The following CLEC19A variants were observed in gnomAD, a reference collection of about 807,000 sequenced individuals.
CLEC19A encodes the protein C-type lectin domain family 19 member A.
CLEC19A carries 21 observed loss-of-function variants against 26.1 expected under a neutral mutation model. That is an observed-to-expected ratio of 0.80 (90% CI 0.57 to 1.16). The LOEUF is 1.16. Among genes scored for constraint, CLEC19A ranks in the 50% most tolerant of loss-of-function variants. The probability of loss-of-function intolerance (pLI) is 0.00; values close to 1 mark genes in which losing one functional copy is unlikely to be tolerated. For synonymous variants in CLEC19A, 89 were observed against 88.6 expected (o/e 1.00, Z -0.03); for missense variants, 224 against 227.6 (o/e 0.98, Z 0.10).
At position 19,299,723 on chromosome 16, in the gene CLEC19A, T is replaced by C. The variant is rs577577459; in HGVS notation, c.254+885T>C. On this transcript the variant is annotated intron_variant, in intron 2 of 4. Coordinates refer to ENST00000636231, the MANE Select transcript of CLEC19A (RefSeq NM_001256720.2). ...AATTACACTCATTACCCAGCTCTCC[T>C]GGCACACTCCCTTTATCACAGCTTT... Among the ~76,000 whole-genome samples the C allele has an allele frequency of 3.9e-5, 6 of 152,362 alleles. No homozygotes were observed. In the South Asian group the frequency reaches 1.2e-3, roughly 32 times the overall value.
At position 19,309,056 on chromosome 16, in the gene CLEC19A, C is replaced by CA. The variant is rs1047992761; in HGVS notation, c.538dup (p.Ile180AsnfsTer37). On this transcript the variant is annotated frameshift_variant, in exon 5 of 5. Transcript: ENST00000636231. LOFTEE classifies it high-confidence loss of function. ...GCAGCCGGAAGTTCCCCTTTGTCTG[C>CA]AAAATCCCATCTCTGACCATTCATT... 6.5e-7 allele frequency: 1 copy of CA among 1,548,150 alleles called. No individual in the cohort carries two copies. Among genetic ancestry groups the CA allele is most frequent in the African/African-American group, 1.4e-5 (1 of 72,952 alleles).
chr16:19,298,887 G>T, intron 2 of CLEC19A, 49 bp downstream of exon 2: 1 of 1,482,534 alleles, frequency 6.7e-7, no homozygotes, highest in Non-Finnish European at 9.1e-7. Flanking sequence ...ACCCCCTTGG[G>T]AAATGGGGTG....
intron 2 of CLEC19A, among the ~76,000 whole-genome samples, chr16:19,301,740 T>TTTTTTTTTTG: frequency 1.1e-5 from 1 of 94,832 alleles, no homozygotes; most frequent in African/African-American, 6.4e-5. Context: ...TTTTTGGTTT[T>TTTTTTTTTTG]TTTTTTTTTT....
chr16:19,307,785 C>T (rs1280847915), intron 4 of CLEC19A, 108 bp downstream of exon 4: 2 of 1,435,844 alleles, frequency 1.4e-6, no homozygotes, highest in East Asian at 2.5e-5. Context: ...TGGCCTGAGA[C>T]TGGCAAATTG....
At chr16:19,296,492 A>G (rs1897707807) in intron 1 of CLEC19A, among the ~76,000 whole-genome samples, 1 of 152,208 alleles carries the variant, frequency 6.6e-6, no homozygotes, top group Non-Finnish European at 1.5e-5. Flanking sequence ...TATTTGGCCC[A>G]ATCAGTTGAC....
At chr16:19,306,804 G>T (rs377534194) in intron 3 of CLEC19A, among the ~76,000 whole-genome samples, 1 of 152,268 alleles carries the variant, frequency 6.6e-6, no homozygotes, top group East Asian at 1.9e-4. Flanking sequence ...TGCAGAGCTA[G>T]GCAGTGGGTG....
chr16:19,305,399 G>A (rs947336396), intron 3 of CLEC19A, among the ~76,000 whole-genome samples: 1 of 152,210 alleles, frequency 6.6e-6, no homozygotes, highest in African/African-American at 2.4e-5. Flanking sequence ...AGGGGTGGGT[G>A]TATAATAAGG....
chr16:19,286,269 G>C (rs1214279709), intron 1 of CLEC19A, among the ~76,000 whole-genome samples: 1 of 152,260 alleles, frequency 6.6e-6, no homozygotes, highest in Non-Finnish European at 1.5e-5. Flanking sequence ...ATAACATGAG[G>C]AAAGTGCTTT....
intron 3 of CLEC19A, among the ~76,000 whole-genome samples, chr16:19,305,418 G>T (rs1042052703): frequency 3.3e-5 from 5 of 152,102 alleles, no homozygotes; most frequent in African/African-American, 9.7e-5. Flanking sequence ...GGCTGAAGAG[G>T]ATAGCTTGGA....
intron 1 of CLEC19A, among the ~76,000 whole-genome samples, chr16:19,294,865 T>C (rs1400390363): frequency 6.6e-6 from 1 of 152,194 alleles, no homozygotes; most frequent in Admixed American, 6.5e-5. Context: ...TGTTTTGTGT[T>C]GCTGTGCTGT....
chr16:19,297,497 A>G (rs1897730629), intron 1 of CLEC19A, among the ~76,000 whole-genome samples: 1 of 152,212 alleles, frequency 6.6e-6, no homozygotes, highest in Non-Finnish European at 1.5e-5. Flanking sequence ...GAAAATCAGC[A>G]GAAATGCCAA....
chr16:19,301,733 TTGG>T lies in CLEC19A; in HGVS notation c.255-2327_255-2325del, dbSNP rs1213232803. 6.2e-3 allele frequency among the ~76,000 whole-genome samples: 377 copies of T among 61,102 alleles called. 34 individuals carry two copies. The highest frequency in any genetic ancestry group is 0.029 in the African/African-American group (285 of 9,724). 40.1% of individuals were successfully genotyped at this position (61,102 alleles called of 152,430 possible). ...CGCATGACACCATGCCCAGGTTTTT[TTGG>T]TTTTTTTTTTTTTTTTTTTTTTTTT... On this transcript the variant is annotated intron_variant, in intron 2 of 4. Coordinates refer to ENST00000636231, the MANE Select transcript of CLEC19A (RefSeq NM_001256720.2).
chr16:19,303,123 G>T lies in CLEC19A; in HGVS notation c.255-939G>T, dbSNP rs192303775. The stretch of plus-strand genomic sequence containing the variant: ...GTAGTATCTGCCCCAGTGCCTGGTT[G>T]TTGTGAGAACGAAATGAGTTCATGC... On this transcript the variant is annotated intron_variant, in intron 2 of 4. Coordinates refer to ENST00000636231, the MANE Select transcript of CLEC19A (RefSeq NM_001256720.2). Among the ~76,000 whole-genome samples, 483 of 152,336 alleles carry T rather than the reference G, an allele frequency of 3.2e-3. 2 individuals are homozygous for T. The highest frequency in any genetic ancestry group is 5.5e-3 in the Non-Finnish European group (372 of 68,038).
intron 4 of CLEC19A, 76 bp downstream of exon 4, chr16:19,307,753 T>C: frequency 6.6e-7 from 1 of 1,523,756 alleles, no homozygotes; most frequent in South Asian, 1.2e-5. Context: ...GAGAAGGGCC[T>C]TGGGGGAAGA....
intron 2 of CLEC19A, 56 bp from the exon 3 acceptor site, chr16:19,304,006 C>T (rs1295982211): frequency 7.1e-7 from 1 of 1,403,906 alleles, no homozygotes; most frequent in Non-Finnish European, 9.8e-7. Context: ...ATTTTTGACT[C>T]CATCCTATGA....
chr16:19,301,735 G>GTTTTTTTTTTTTTTTTTTTTT lies in CLEC19A; in HGVS notation c.255-2327_255-2326insTTTTTTTTTTTTTTTTTTTTT, dbSNP rs750529291. 4.6e-4 allele frequency among the ~76,000 whole-genome samples: 16 copies of GTTTTTTTTTTTTTTTTTTTTT among 35,124 alleles called. 1 individual carries two copies. Among genetic ancestry groups the GTTTTTTTTTTTTTTTTTTTTT allele is most frequent in the African/African-American group, 1.5e-3 (11 of 7,284 alleles). 23.0% of individuals were successfully genotyped at this position (35,124 alleles called of 152,430 possible). On this transcript the variant is annotated intron_variant, in intron 2 of 4. Transcript: ENST00000636231. ...CATGACACCATGCCCAGGTTTTTTTGGTTTTTTTTTTTTTTTTTTTTTTTT... is the reference window on the plus strand; with the variant it reads ...CATGACACCATGCCCAGGTTTTTTTGTTTTTTTTTTTTTTTTTTTTTGTTTTTTTTTTTTTTTTTTTTTTTT...
At chr16:19,293,721 G>A (rs1263377703) in intron 1 of CLEC19A, among the ~76,000 whole-genome samples, 2 of 151,986 alleles carry the variant, frequency 1.3e-5, no homozygotes, top group Non-Finnish European at 2.9e-5. Flanking sequence ...CTCCCAAAGT[G>A]TTGAGATTAC....
At chr16:19,292,996 AG>A (rs1470342858) in intron 1 of CLEC19A, among the ~76,000 whole-genome samples, 2 of 152,204 alleles carry the variant, frequency 1.3e-5, no homozygotes, top group Admixed American at 6.5e-5. Context: ...AACAGCTAAA[AG>A]GTGTTGAGAA....
In CLEC19A at chr16:19,298,343, G is replaced by A. The variant is rs570815976; in HGVS notation, c.89-330G>A. On this transcript the variant is annotated intron_variant, in intron 1 of 4. Coordinates refer to ENST00000636231, the MANE Select transcript of CLEC19A (RefSeq NM_001256720.2). Reference sequence around the variant, plus strand: ...AAGCAGGAGGATCACTTGAGCCCTGGAGTTCAAGACCAGCCTGGTCAACAT... The same window carrying A: ...AAGCAGGAGGATCACTTGAGCCCTGAAGTTCAAGACCAGCCTGGTCAACAT... Among the ~76,000 whole-genome samples the A allele has an allele frequency of 7.7e-4, 117 of 151,848 alleles. 1 individual carries two copies. The highest frequency in any genetic ancestry group is 2.7e-3 in the African/African-American group (112 of 41,416).
Sources: gnomAD v4.1 joint callset for allele counts (sites outside exome capture counted in the v4.1 genomes callset) on GRCh38, gnomAD v4.1.1 for gene constraint, MANE v1.5 for transcripts, NCBI Gene and HGNC (gene_info 2026-07-23, HGNC 2026-07-21) for gene names.